The following RFX3 variants were observed in gnomAD, a reference collection of about 807,000 sequenced individuals.
RFX3 encodes the protein transcription factor RFX3.
Under a neutral mutation model 98.6 loss-of-function variants are expected in RFX3, and 14 were observed. The ratio of observed to expected loss-of-function variants is 0.14; its 90% confidence interval spans 0.09 to 0.22. The LOEUF is 0.22. Among genes scored for constraint, RFX3 ranks in the 10% least tolerant of loss-of-function variants. RFX3 has a pLI of 1.00. For missense variants in RFX3, 639 were observed against 926.9 expected (o/e 0.69, Z 4.03); for synonymous variants, 383 against 328.4 (o/e 1.17, Z -1.80).
intron 1 of RFX3, among the ~76,000 whole-genome samples, chr9:3,495,385 T>C (rs1284567946): frequency 6.6e-6 from 1 of 151,960 alleles, no homozygotes; most frequent in African/African-American, 2.4e-5. Context: ...CCACACAAAA[T>C]ACATCAGAAT....
intron 7 of RFX3, among the ~76,000 whole-genome samples, chr9:3,286,612 A>C (rs1826640133): frequency 6.6e-6 from 1 of 151,872 alleles, no homozygotes; most frequent in South Asian, 2.1e-4. Context: ...TCATCTCTCT[A>C]GAAAAAATCA....
At chr9:3,417,307 T>C (rs997569750) in intron 1 of RFX3, among the ~76,000 whole-genome samples, 1 of 152,060 alleles carries the variant, frequency 6.6e-6, no homozygotes, top group Non-Finnish European at 1.5e-5. Context: ...TATAAAAAAA[T>C]TTGAACAGCA....
At chr9:3,302,361 TATTA>T (rs1231630119) in intron 4 of RFX3, among the ~76,000 whole-genome samples, 9 of 151,912 alleles carry the variant, frequency 5.9e-5, no homozygotes, top group East Asian at 1.9e-4. Context: ...CATGTACGAT[TATTA>T]ATTAAGTACC....
intron 2 of RFX3, among the ~76,000 whole-genome samples, chr9:3,355,375 G>A (rs1294750743): frequency 6.6e-6 from 1 of 151,600 alleles, no homozygotes; most frequent in African/African-American, 2.4e-5. Context: ...GATAAATCTT[G>A]CAAATGCCAA....
At chr9:3,517,861 G>T (rs930096198) in intron 1 of RFX3, among the ~76,000 whole-genome samples, 1 of 152,192 alleles carries the variant, frequency 6.6e-6, no homozygotes, top group African/African-American at 2.4e-5. Flanking sequence ...ATCGGAAATG[G>T]TAAGAATAAC....
intron 15 of RFX3, among the ~76,000 whole-genome samples, chr9:3,237,902 G>A (rs1351712890): frequency 6.6e-6 from 1 of 151,862 alleles, no homozygotes; most frequent in Non-Finnish European, 1.5e-5. Flanking sequence ...GAGCCCATGA[G>A]GTCAAGGCTG....
intron 2 of RFX3, among the ~76,000 whole-genome samples, chr9:3,379,504 A>G (rs915723559): frequency 6.6e-6 from 1 of 152,196 alleles, no homozygotes; most frequent in African/African-American, 2.4e-5. Flanking sequence ...CATTAGTGCA[A>G]GACAATTAAA....
At chr9:3,256,825 G>C (rs1305344253) in intron 14 of RFX3, among the ~76,000 whole-genome samples, 166 bp downstream of exon 14, 1 of 152,156 alleles carries the variant, frequency 6.6e-6, no homozygotes, top group Non-Finnish European at 1.5e-5. Flanking sequence ...CATTTCCATG[G>C]TGTTGTAATC....
chr9:3,230,062 T>C (rs1161188110), intron 15 of RFX3, among the ~76,000 whole-genome samples: 1 of 152,200 alleles, frequency 6.6e-6, no homozygotes, highest in Non-Finnish European at 1.5e-5. Flanking sequence ...TACATCCAAC[T>C]ATGGCTCCAA....
At chr9:3,359,651 C>T (rs1177545275) in intron 2 of RFX3, among the ~76,000 whole-genome samples, 1 of 152,056 alleles carries the variant, frequency 6.6e-6, no homozygotes, top group Admixed American at 6.6e-5. Flanking sequence ...GGAAAACACA[C>T]TATATTTAAT....
At chr9:3,333,515 A>T (rs1832831463) in intron 3 of RFX3, among the ~76,000 whole-genome samples, 1 of 150,978 alleles carries the variant, frequency 6.6e-6, no homozygotes, top group Non-Finnish European at 1.5e-5. Flanking sequence ...TATATTTCCC[A>T]ACTGGAAATC....
chr9:3,462,326 A>G (rs1847772565), intron 1 of RFX3, among the ~76,000 whole-genome samples: 1 of 152,078 alleles, frequency 6.6e-6, no homozygotes, highest in South Asian at 2.1e-4. Flanking sequence ...AAGAAAAAGT[A>G]TAAGGTCATC....
rs1177381806 is a variant in RFX3 at position 3,365,295 on chromosome 9, C to CAAAAAAAA, written c.118-18539_118-18532dup. On this transcript the variant is annotated intron_variant, in intron 2 of 16. Transcript: ENST00000617270. ...AGCCTGGTGACAGAGAGACTCATCT[C>CAAAAAAAA]AAAAAAAAAAAAAAAAAAAGTAACA... 4.8e-5 allele frequency among the ~76,000 whole-genome samples: 3 copies of CAAAAAAAA among 62,498 alleles called. No individual in the cohort carries two copies. The Admixed American group carries it at 5.1e-4, about 11-fold the overall frequency. The allele number at this position is 62,498 out of a possible 152,430, so 41.0% of individuals were successfully genotyped here. A position where few individuals can be genotyped will look rare whatever the true frequency, so the allele number is the denominator to read the frequency against.
At chr9:3,502,522 T>C (rs1180290056) in intron 1 of RFX3, among the ~76,000 whole-genome samples, 2 of 152,174 alleles carry the variant, frequency 1.3e-5, no homozygotes, top group African/African-American at 2.4e-5. Context: ...AAAGCCATCT[T>C]AATAAAGAGG....
chr9:3,398,025 A>T (rs958899905), intron 1 of RFX3, among the ~76,000 whole-genome samples: 13 of 152,192 alleles, frequency 8.5e-5, no homozygotes, highest in African/African-American at 2.9e-4. Flanking sequence ...GCATATTGTG[A>T]GTATGTGGGA....
At chr9:3,365,177 G>C (rs1836909275) in intron 2 of RFX3, among the ~76,000 whole-genome samples, 1 of 151,732 alleles carries the variant, frequency 6.6e-6, no homozygotes, top group Non-Finnish European at 1.5e-5. Context: ...TTGCACGCCT[G>C]TAGTCCCAGC....
chr9:3,305,999 G>C (rs959590137), intron 4 of RFX3, among the ~76,000 whole-genome samples: 5 of 152,028 alleles, frequency 3.3e-5, no homozygotes, highest in African/African-American at 1.2e-4. Flanking sequence ...CACTTAAAAA[G>C]TTAAGTTCAT....
At chr9:3,345,336 A>C (rs1156997698) in intron 3 of RFX3, among the ~76,000 whole-genome samples, 2 of 152,162 alleles carry the variant, frequency 1.3e-5, no homozygotes, top group African/African-American at 4.8e-5. Flanking sequence ...AAAATGCACA[A>C]AATTGGTTAT....
chr9:3,233,150 G>A (rs1256487681), intron 15 of RFX3, among the ~76,000 whole-genome samples: 1 of 152,206 alleles, frequency 6.6e-6, no homozygotes, highest in African/African-American at 2.4e-5. Context: ...GGAAATGCAT[G>A]CTCCAGGCAG....
Sources: allele counts gnomAD v4.1 joint callset (sites outside exome capture counted in the v4.1 genomes callset), GRCh38; gene constraint gnomAD v4.1.1; transcripts MANE v1.5; gene names NCBI Gene and HGNC (gene_info 2026-07-23, HGNC 2026-07-21).